The following NECAB2 variants were observed in gnomAD, a reference collection of about 807,000 sequenced individuals.
The protein encoded by NECAB2 is N-terminal EF-hand calcium-binding protein 2.
Under a neutral mutation model 51.9 loss-of-function variants are expected in NECAB2, and 68 were observed. The ratio of observed to expected loss-of-function variants is 1.31; its 90% CI spans 1.08 to 1.60. The LOEUF (loss-of-function observed/expected upper bound fraction) is 1.60, where lower values mean the gene tolerates loss of function less well. NECAB2 is among the 40% of genes most tolerant of loss of function. The pLI is 0.00. For synonymous variants in NECAB2, 329 were observed against 203.5 expected, an observed-to-expected ratio of 1.62 and a Z score of -5.25; for missense variants, 854 against 490.3, an observed-to-expected ratio of 1.74 and a Z score of -7.00.
At chr16:83,998,035 C>T (rs886658023) in intron 9 of NECAB2, among the ~76,000 whole-genome samples, 170 bp from the exon 10 acceptor site, 3 of 152,054 alleles carry the variant, frequency 2.0e-5, no homozygotes, top group Non-Finnish European at 4.4e-5. Flanking sequence ...AGGTTCTAGT[C>T]CTTTCTTAGC....
In NECAB2 at chr16:83,974,203, A is replaced by T. The variant is rs182203148; in HGVS notation, c.226+2028A>T. ...GGTGTGAGATGCGGGTTCCAGCAAG[A>T]GCTTCCCAGGTCCCCCAGCCTGACT... On this transcript the variant is annotated intron_variant, in intron 2 of 12. Coordinates refer to ENST00000305202, the MANE Select transcript of NECAB2 (RefSeq NM_019065.3). Among the ~76,000 whole-genome samples the T allele has an allele frequency of 2.6e-3, 390 of 152,186 alleles. 1 individual carries two copies. Among genetic ancestry groups the T allele is most frequent in the African/African-American group, 8.6e-3 (358 of 41,508 alleles).
chr16:83,973,043 G>A (rs2084366282), intron 2 of NECAB2, among the ~76,000 whole-genome samples: 1 of 152,212 alleles, frequency 6.6e-6, no homozygotes, highest in Non-Finnish European at 1.5e-5. Flanking sequence ...CTGGGTTTTG[G>A]GGAAAAGCCA....
chr16:83,998,145 G>A (rs1476336282), intron 9 of NECAB2, 60 bp from the exon 10 acceptor site: 12 of 1,482,116 alleles, frequency 8.1e-6, no homozygotes, highest in Middle Eastern at 1.7e-4. Context: ...GGGCCTGATG[G>A]GGTGTTTAGG....
chr16:83,974,043 CT>C (rs11339117), intron 2 of NECAB2, among the ~76,000 whole-genome samples: 20,295 of 151,906 alleles, frequency 0.13, 3,677 homozygotes, highest in African/African-American at 0.41. Context: ...TGTCCACCCC[CT>C]GAGCACAGCT....
upstream of NECAB2, among the ~76,000 whole-genome samples, chr16:83,966,547 T>A (rs1450012607): frequency 6.6e-6 from 1 of 151,218 alleles, no homozygotes; most frequent in Non-Finnish European, 1.5e-5. Flanking sequence ...GGGGTGGGAG[T>A]GGCGGGTGTG....
chr16:83,998,134 G>A, intron 9 of NECAB2, 71 bp from the exon 10 acceptor site: 1 of 1,373,002 alleles, frequency 7.3e-7, no homozygotes, highest in African/African-American at 1.4e-5. Flanking sequence ...GGAGGTCATG[G>A]GGGCCTGATG....
chr16:83,977,118 A>G (rs2084420505), intron 2 of NECAB2, among the ~76,000 whole-genome samples: 1 of 152,200 alleles, frequency 6.6e-6, no homozygotes, highest in Admixed American at 6.5e-5. Context: ...ATCCATAGGA[A>G]GGTGCCATGT....
At chr16:83,985,460 C>A (rs1012801158) in intron 5 of NECAB2, among the ~76,000 whole-genome samples, 2 of 151,340 alleles carry the variant, frequency 1.3e-5, no homozygotes, top group African/African-American at 4.9e-5. Context: ...TGGTGAAACC[C>A]CGTCTCTACT....
chr16:83,979,651 A>C (rs7196313), intron 3 of NECAB2, among the ~76,000 whole-genome samples: 3,752 of 146,536 alleles, frequency 0.026, 139 homozygotes, highest in African/African-American at 0.077. Context: ...CTTCTCTTTC[A>C]GGGCCTTTTG....
chr16:83,983,168 T>A (rs74881135), intron 5 of NECAB2, among the ~76,000 whole-genome samples: 1,822 of 152,292 alleles, frequency 0.012, 19 homozygotes, highest in South Asian at 0.02. Context: ...TTGGCATTTC[T>A]TTTGCTTGCG....
At chr16:83,965,179 G>A (rs960800506), upstream of NECAB2, 1 of 1,613,400 alleles carries the variant, frequency 6.2e-7, no homozygotes, top group Non-Finnish European at 8.5e-7. Flanking sequence ...CAGCCGTGGA[G>A]TGGGGGACCC....
chr16:84,002,236 C>T (rs1283327541), intron 12 of NECAB2, 82 bp from the exon 13 acceptor site: 4 of 1,527,606 alleles, frequency 2.6e-6, no homozygotes, highest in East Asian at 4.5e-5. Flanking sequence ...ATCCCCCGAC[C>T]TGTCATTCAA....
intron 3 of NECAB2, among the ~76,000 whole-genome samples, chr16:83,979,210 TCTC>T (rs2084454193): frequency 1.3e-5 from 2 of 152,126 alleles, no homozygotes; most frequent in African/African-American, 4.8e-5. Context: ...GTCTGAGCCC[TCTC>T]CTCAACCCCA....
intron 3 of NECAB2, among the ~76,000 whole-genome samples, chr16:83,980,246 C>T (rs916586748): frequency 1.3e-5 from 2 of 152,218 alleles, no homozygotes; most frequent in African/African-American, 4.8e-5. Flanking sequence ...GCTGCAGAAC[C>T]ACCATAGTTC....
At chr16:83,965,450 GC>G, upstream of NECAB2, 1 of 1,598,104 alleles carries the variant, frequency 6.3e-7, no homozygotes, top group Non-Finnish European at 8.5e-7. Flanking sequence ...CATCATTGGC[GC>G]GGGGCTGTCA....
chr16:83,998,357 G>C (rs372726634), intron 10 of NECAB2, 40 bp downstream of exon 10: 1 of 1,590,640 alleles, frequency 6.3e-7, no homozygotes, highest in African/African-American at 1.3e-5. Context: ...TGGTGGCAGG[G>C]AGCTCTGCCT....
intron 5 of NECAB2, among the ~76,000 whole-genome samples, chr16:83,982,416 C>T (rs1218711975): frequency 6.6e-6 from 1 of 152,076 alleles, no homozygotes; most frequent in African/African-American, 2.4e-5. Context: ...GTTTGATATC[C>T]CCAAGTATCA....
In NECAB2 at chr16:83,968,732, C is replaced by T. The variant is rs1363732597; in HGVS notation, c.84C>T (p.Gly28=). The T allele has an allele frequency of 9.6e-7, 1 of 1,040,372 alleles. No individual in the cohort carries two copies. 64.4% of individuals were successfully genotyped at this position (1,040,372 alleles called of 1,614,324 possible). Residue 28 remains glycine (G), a synonymous_variant, in exon 1 of 13, where the codon GGC becomes GGT. Coordinates refer to ENST00000305202, the MANE Select transcript of NECAB2 (RefSeq NM_019065.3). ...CGCCGCAGCAGGGCCGGGCGCTGGGCGGGCTGCTGCGCTGGGTGGGCGCCA... is the reference window on the plus strand; with the variant it reads ...CGCCGCAGCAGGGCCGGGCGCTGGGTGGGCTGCTGCGCTGGGTGGGCGCCA... The part of the protein sequence containing the change: ...REPPQQGRAL[G]GLLRWVGARM...
chr16:84,000,918 C>G, intron 11 of NECAB2, 117 bp downstream of exon 11: 4 of 991,244 alleles, frequency 4.0e-6, no homozygotes, highest in South Asian at 1.4e-5. Flanking sequence ...CAGCAGATTC[C>G]CGAGGCATCT....
Sources: allele counts gnomAD v4.1 joint callset (sites outside exome capture counted in the v4.1 genomes callset), GRCh38; gene constraint gnomAD v4.1.1; transcripts MANE v1.5; gene names NCBI Gene and HGNC (gene_info 2026-07-23, HGNC 2026-07-21).